CTPS2: variants seen among roughly 807,000 people sequenced by gnomAD.
The protein encoded by CTPS2 is CTP synthase 2.
Under a neutral mutation model 46.8 loss-of-function variants are expected in CTPS2, and 19 were observed. The ratio of observed to expected loss-of-function variants is 0.41; its 90% CI spans 0.28 to 0.60. The LOEUF (loss-of-function observed/expected upper bound fraction) is 0.60, where lower values mean the gene tolerates loss of function less well. Ranked by LOEUF, CTPS2 falls within the 20% of genes least tolerant of loss-of-function variation. The pLI is 0.35. For synonymous variants in CTPS2, 151 were observed against 165.2 expected, an observed-to-expected ratio of 0.91 and a Z score of 0.66; for missense variants, 286 against 447.6, an observed-to-expected ratio of 0.64 and a Z score of 3.26.
chrX:16,694,057 G>A (rs927560384), intron 4 of CTPS2, among the ~76,000 whole-genome samples: 3 of 110,837 alleles, frequency 2.7e-5, no homozygotes, highest in Admixed American at 9.7e-5. Context: ...CCAGCTACTC[G>A]GGAGGCTGAG....
At chrX:16,651,367 G>A (rs979390026) in intron 13 of CTPS2, among the ~76,000 whole-genome samples, 2 of 111,562 alleles carry the variant, frequency 1.8e-5, no homozygotes, top group Non-Finnish European at 3.8e-5. Flanking sequence ...GACTCTGCAG[G>A]ACTAGCCATA....
Position 16,683,198 on chromosome X carries a change from T to C in CTPS2, c.901A>G (p.Ile301Val). The C allele has an allele frequency of 8.3e-7, 1 of 1,210,592 alleles. No homozygotes were observed. Among genetic ancestry groups the C allele is most frequent in the Non-Finnish European group, 1.1e-6 (1 of 894,388 alleles). Residue 301 changes from isoleucine (I) to valine (V), a missense_variant, in exon 9 of 19, where the codon ATA (isoleucine) becomes GTA (valine). Ile to Val is a conservative substitution (Grantham distance 29). Coordinates refer to ENST00000359276, the MANE Select transcript of CTPS2 (RefSeq NM_175859.3). ...TTGGTGTATTTGCCAACCAGGGCTATGGAGCATATTTTCTGTAACCTTTCA... is the reference window on the plus strand; with the variant it reads ...TTGGTGTATTTGCCAACCAGGGCTACGGAGCATATTTTCTGTAACCTTTCA... ...RYERLQKICS[I>V]ALVGKYTKLR...
In CTPS2 at chrX:16,689,524, A is replaced by G; in HGVS notation, c.798T>C (p.Phe266=). The change falls in exon 8 of 19, where the codon TTT becomes TTC. Residue 266 remains phenylalanine (F), a synonymous_variant. Coordinates refer to ENST00000359276, the MANE Select transcript of CTPS2 (RefSeq NM_175859.3). ...LLEEQSIVKY[F]KERLHLPIGD... ...CGATGGGCAGGTGCAATCTCTCCTT[A>G]AAATATTTCACAATGCTTTGTTCCT... The G allele has an allele frequency of 8.3e-7, 1 of 1,210,609 alleles. No individual in the cohort carries two copies. Among genetic ancestry groups the G allele is most frequent in the Non-Finnish European group, 1.1e-6 (1 of 894,644 alleles).
At chrX:16,699,264 A>G (rs1340054329) in intron 2 of CTPS2, among the ~76,000 whole-genome samples, 171 bp from the exon 3 acceptor site, 1 of 112,041 alleles carries the variant, frequency 8.9e-6, no homozygotes, top group Non-Finnish European at 1.9e-5. Context: ...AAGAAAATGC[A>G]TCAGAAAATT....
chrX:16,600,968 G>T (rs1187443402), intron 17 of CTPS2, among the ~76,000 whole-genome samples: 1 of 111,608 alleles, frequency 9.0e-6, no homozygotes, highest in Admixed American at 9.5e-5. Context: ...AAGTTTAGGA[G>T]TAGTGACTTG....
In CTPS2 at chrX:16,693,627, A is replaced by G. The variant is rs374503662; in HGVS notation, c.439-140T>C. On this transcript the variant is annotated intron_variant, in intron 4 of 18. Coordinates refer to ENST00000359276, the MANE Select transcript of CTPS2 (RefSeq NM_175859.3). ...TACACAGAGGTTTATAAATACGTTCAAAATCACTAAATTGTGGCTGGGTAT... is the reference window on the plus strand; with the variant it reads ...TACACAGAGGTTTATAAATACGTTCGAAATCACTAAATTGTGGCTGGGTAT... The G allele has an allele frequency of 3.4e-5, 16 of 467,531 alleles. No individual in the cohort carries two copies. In the African/African-American group the frequency reaches 3.4e-4, roughly 10 times the overall value. 38.5% of individuals were successfully genotyped at this position (467,531 alleles called of 1,213,427 possible).
chrX:16,676,297 A>C (rs1922265680), intron 10 of CTPS2, among the ~76,000 whole-genome samples: 2 of 111,682 alleles, frequency 1.8e-5, no homozygotes, highest in Non-Finnish European at 3.8e-5. Flanking sequence ...CAGTCCCTGT[A>C]CAGGGTTTCT....
At chrX:16,642,334 G>A (rs1932119477) in intron 13 of CTPS2, among the ~76,000 whole-genome samples, 1 of 111,853 alleles carries the variant, frequency 8.9e-6, no homozygotes, top group African/African-American at 3.2e-5. Flanking sequence ...CTAGAGAAGA[G>A]GTGGGAAGCA....
intron 17 of CTPS2, among the ~76,000 whole-genome samples, chrX:16,602,546 T>A (rs1306850926): frequency 9.0e-6 from 1 of 111,693 alleles, no homozygotes; most frequent in East Asian, 2.8e-4. Flanking sequence ...TGGGATAGAA[T>A]AAGCTTTAAC....
chrX:16,653,380 AC>A (rs763220113), intron 13 of CTPS2, among the ~76,000 whole-genome samples: 1 of 112,339 alleles, frequency 8.9e-6, no homozygotes, highest in Non-Finnish European at 1.9e-5. Context: ...CATTGGCACC[AC>A]CTGGGAAGCT....
At chrX:16,691,259 C>T (rs974075614) in intron 7 of CTPS2, among the ~76,000 whole-genome samples, 6 of 111,673 alleles carry the variant, frequency 5.4e-5, no homozygotes, top group Admixed American at 9.6e-5. Context: ...GCAGAGGTTG[C>T]GGTGAGCTGA....
chrX:16,665,768 T>C, intron 13 of CTPS2, among the ~76,000 whole-genome samples: 1 of 112,218 alleles, frequency 8.9e-6, no homozygotes, highest in Non-Finnish European at 1.9e-5. Context: ...GTTTGTTTTT[T>C]GAGACAAAGT....
intron 13 of CTPS2, among the ~76,000 whole-genome samples, chrX:16,659,155 A>G (rs1932885909): frequency 8.9e-6 from 1 of 111,783 alleles, no homozygotes; most frequent in Non-Finnish European, 1.9e-5. Flanking sequence ...ATTTTAGCCT[A>G]TGTTCATTCT....
chrX:16,658,509 T>C (rs771842015), intron 13 of CTPS2, among the ~76,000 whole-genome samples: 2 of 112,488 alleles, frequency 1.8e-5, no homozygotes, highest in South Asian at 3.7e-4. Flanking sequence ...AATGAGTACC[T>C]ATTCATATTT....
intron 5 of CTPS2, 55 bp downstream of exon 5, chrX:16,693,316 T>C (rs1391366995): frequency 2.8e-6 from 3 of 1,071,137 alleles, no homozygotes; most frequent in Admixed American, 4.4e-5. Flanking sequence ...ACACATAGAA[T>C]ATCATAGGAA....
intron 10 of CTPS2, among the ~76,000 whole-genome samples, chrX:16,675,890 T>A (rs1204532281): frequency 8.9e-6 from 1 of 112,029 alleles, no homozygotes; most frequent in Non-Finnish European, 1.9e-5. Context: ...TAATAAAAAA[T>A]TAATATTTTT....
intron 3 of CTPS2, 64 bp downstream of exon 3, chrX:16,698,859 T>C: frequency 9.4e-7 from 1 of 1,061,917 alleles, no homozygotes; most frequent in South Asian, 2.2e-5. Context: ...CCTTCAGTTC[T>C]ACTTTTGAGC....
chrX:16,590,955 C>A (rs1224492062), intron 17 of CTPS2, 93 bp from the exon 18 acceptor site: 4 of 582,396 alleles, frequency 6.9e-6, no homozygotes, highest in South Asian at 2.9e-5. Context: ...CATATTAACC[C>A]CTTAGTATGA....
chrX:16,691,907 T>A (rs919349521), intron 6 of CTPS2, among the ~76,000 whole-genome samples: 3 of 112,114 alleles, frequency 2.7e-5, no homozygotes, highest in African/African-American at 9.7e-5. Flanking sequence ...ACAAACTTTT[T>A]CTCAAAAGGG....
Sources: allele counts gnomAD v4.1 joint callset (sites outside exome capture counted in the v4.1 genomes callset), GRCh38; gene constraint gnomAD v4.1.1; transcripts MANE v1.5; gene names NCBI Gene and HGNC (gene_info 2026-07-23, HGNC 2026-07-21).